Variants in SIPA1L2 observed in about 807,000 individuals in gnomAD.
SIPA1L2 encodes the protein signal induced proliferation associated 1 like 2.
In SIPA1L2, 56 loss-of-function variants were observed where a neutral mutation model predicts 163.9. The ratio of observed to expected loss-of-function variants is 0.34; its 90% CI spans 0.28 to 0.43. SIPA1L2 has a LOEUF of 0.43. Ranked by LOEUF, SIPA1L2 falls within the 20% of genes least tolerant of loss-of-function variation. The probability of loss-of-function intolerance (pLI) is 1.00; values close to 1 mark genes in which losing one functional copy is unlikely to be tolerated. For synonymous variants in SIPA1L2, 877 were observed against 865.7 expected, an observed-to-expected ratio of 1.01 and a Z score of -0.23; for missense variants, 1,974 against 2,193.5, an observed-to-expected ratio of 0.90 and a Z score of 2.00.
intron 2 of SIPA1L2, among the ~76,000 whole-genome samples, chr1:232,568,606 G>A (rs1659536965): frequency 6.6e-6 from 1 of 152,186 alleles, no homozygotes; most frequent in South Asian, 2.1e-4. Context: ...GGGCTATCCT[G>A]GGTACAAGAG....
At chr1:232,482,495 A>G (rs1476050429) in intron 6 of SIPA1L2, among the ~76,000 whole-genome samples, 1 of 152,136 alleles carries the variant, frequency 6.6e-6, no homozygotes, top group Non-Finnish European at 1.5e-5. Flanking sequence ...CTTAAAATAT[A>G]TAGATATTCA....
Position 232,441,057 on chromosome 1 carries a change from T to C in SIPA1L2, c.3642+234A>G, listed in dbSNP as rs542176608. ...GATTTAGTAACTACTGCACTGGATATTGAGGATCAAAAGGCTGAGGATATA... is the reference window on the plus strand; with the variant it reads ...GATTTAGTAACTACTGCACTGGATACTGAGGATCAAAAGGCTGAGGATATA... On this transcript the variant is annotated intron_variant, in intron 14 of 22. Coordinates refer to ENST00000674635, the MANE Select transcript of SIPA1L2 (RefSeq NM_020808.5). 2.6e-5 allele frequency among the ~76,000 whole-genome samples: 4 copies of C among 152,372 alleles called. No homozygotes were observed. The South Asian group carries it at 6.2e-4, about 24-fold the overall frequency.
At chr1:232,549,745 C>T (rs1658266565) in intron 2 of SIPA1L2, among the ~76,000 whole-genome samples, 1 of 152,194 alleles carries the variant, frequency 6.6e-6, no homozygotes, top group Admixed American at 6.5e-5. Flanking sequence ...GAAAAATCTG[C>T]TGATCCAACT....
At chr1:232,537,817 A>C (rs1477172683) in intron 2 of SIPA1L2, among the ~76,000 whole-genome samples, 1 of 152,244 alleles carries the variant, frequency 6.6e-6, no homozygotes, top group African/African-American at 2.4e-5. Context: ...AAGGCTTAGA[A>C]TAGTGCCTCC....
At chr1:232,550,397 C>T (rs1658306419) in intron 2 of SIPA1L2, among the ~76,000 whole-genome samples, 1 of 152,168 alleles carries the variant, frequency 6.6e-6, no homozygotes, top group Non-Finnish European at 1.5e-5. Flanking sequence ...AATTTCAATA[C>T]AAGGATAGCT....
chr1:232,545,381 A>G (rs535814350), intron 2 of SIPA1L2, among the ~76,000 whole-genome samples: 12 of 152,340 alleles, frequency 7.9e-5, no homozygotes, highest in East Asian at 1.9e-4. Context: ...TCATGTATCT[A>G]TGAGGCTCCG....
rs1261680074 is a variant in SIPA1L2, at chr1:232,586,983, G to A, written c.-318-12761C>T. ...TGGGCCTTGATGGTAATAGGAAACAGACATACAAGGGTAGGGAGACTGAGG... is the reference window on the plus strand; with the variant it reads ...TGGGCCTTGATGGTAATAGGAAACAAACATACAAGGGTAGGGAGACTGAGG... On this transcript the variant is annotated intron_variant, in intron 1 of 22. Coordinates refer to ENST00000674635, the MANE Select transcript of SIPA1L2 (RefSeq NM_020808.5). 2.6e-5 allele frequency among the ~76,000 whole-genome samples: 4 copies of A among 152,318 alleles called. No homozygotes were observed. The East Asian group carries it at 7.7e-4, about 29-fold the overall frequency.
Position 232,603,482 on chromosome 1 carries a change from AC to A in SIPA1L2, c.-319+26386del, listed in dbSNP as rs1375621800. ...GGAGGAGAACGAGGCGCAGAGGTAAACGTTTGAACAGCAGGGTGTCACTCAG... is the reference window on the plus strand; with the variant it reads ...GGAGGAGAACGAGGCGCAGAGGTAAAGTTTGAACAGCAGGGTGTCACTCAG... On this transcript the variant is annotated intron_variant, in intron 1 of 22. Transcript: ENST00000674635. 7.9e-5 allele frequency among the ~76,000 whole-genome samples: 12 copies of A among 152,248 alleles called. No homozygotes were observed. In the South Asian group the frequency reaches 2.3e-3, roughly 29 times the overall value.
In SIPA1L2 at chr1:232,584,267, C is replaced by T. The variant is rs140314995; in HGVS notation, c.-318-10045G>A. On this transcript the variant is annotated intron_variant, in intron 1 of 22. Transcript: ENST00000674635. ...TTTAGACGGAGTCTCACTCTATCAGCAGGCTGGAGTATAGTGGTGCGATCT... is the reference window on the plus strand; with the variant it reads ...TTTAGACGGAGTCTCACTCTATCAGTAGGCTGGAGTATAGTGGTGCGATCT... Among the ~76,000 whole-genome samples the T allele has an allele frequency of 4.3e-4, 66 of 152,240 alleles. 1 individual carries two copies. Among genetic ancestry groups the T allele is most frequent in the African/African-American group, 1.5e-3 (63 of 41,540 alleles).
intron 21 of SIPA1L2, 64 bp downstream of exon 21, chr1:232,403,384 A>T: frequency 6.3e-7 from 1 of 1,576,038 alleles, no homozygotes; most frequent in Middle Eastern, 1.7e-4. Context: ...TTAGTCGGTT[A>T]GCCGAATCTT....
chr1:232,597,010 A>G (rs1309029064), intron 1 of SIPA1L2, among the ~76,000 whole-genome samples: 1 of 152,146 alleles, frequency 6.6e-6, no homozygotes, highest in East Asian at 1.9e-4. Context: ...GTGGCCTCCA[A>G]CCTTGCCTCT....
intron 1 of SIPA1L2, among the ~76,000 whole-genome samples, chr1:232,606,816 G>T (rs1661947443): frequency 6.6e-6 from 1 of 151,784 alleles, no homozygotes; most frequent in African/African-American, 2.4e-5. Flanking sequence ...AATTTTCAAA[G>T]CATACGTGAA....
In SIPA1L2 at chr1:232,573,083, C is replaced by T. The variant is rs1359671890; in HGVS notation, c.-270+1091G>A. 2.6e-5 allele frequency among the ~76,000 whole-genome samples: 4 copies of T among 152,014 alleles called. No homozygotes were observed. The East Asian group carries it at 7.8e-4, about 30-fold the overall frequency. ...GGTTTGAGTCACTGTGCCCGGCCCCCCAAATCATTTTTAAAGGCAAGCTCC... is the reference window on the plus strand; with the variant it reads ...GGTTTGAGTCACTGTGCCCGGCCCCTCAAATCATTTTTAAAGGCAAGCTCC... On this transcript the variant is annotated intron_variant, in intron 2 of 22. Transcript: ENST00000674635.
intron 2 of SIPA1L2, among the ~76,000 whole-genome samples, chr1:232,571,802 G>A (rs1441910277): frequency 1.3e-5 from 2 of 152,198 alleles, no homozygotes; most frequent in Non-Finnish European, 2.9e-5. Flanking sequence ...CACGTGACAT[G>A]CTGGCTTCCG....
intron 3 of SIPA1L2, among the ~76,000 whole-genome samples, chr1:232,511,472 A>G (rs1666977651): frequency 6.6e-6 from 1 of 152,242 alleles, no homozygotes; most frequent in Non-Finnish European, 1.5e-5. Flanking sequence ...TCATAATGTG[A>G]TTACAAAAGA....
chr1:232,512,297 T>C (rs757417544), intron 3 of SIPA1L2, among the ~76,000 whole-genome samples: 1 of 152,234 alleles, frequency 6.6e-6, no homozygotes, highest in African/African-American at 2.4e-5. Context: ...TCAGCTATTG[T>C]GGAAGACAGT....
chr1:232,623,919 G>T (rs1056524052), intron 1 of SIPA1L2, among the ~76,000 whole-genome samples: 1 of 151,902 alleles, frequency 6.6e-6, no homozygotes, highest in African/African-American at 2.4e-5. Context: ...TACAACAGTG[G>T]TCTCTACACA....
At chr1:232,468,622 AGTT>A (rs1162540872) in intron 8 of SIPA1L2, among the ~76,000 whole-genome samples, 7 of 152,246 alleles carry the variant, frequency 4.6e-5, no homozygotes, top group African/African-American at 9.6e-5. Flanking sequence ...TTACTATCAT[AGTT>A]GTTGTGTTAA....
intron 8 of SIPA1L2, among the ~76,000 whole-genome samples, chr1:232,468,984 G>A (rs1174399392): frequency 6.6e-6 from 1 of 152,206 alleles, no homozygotes; most frequent in Non-Finnish European, 1.5e-5. Flanking sequence ...AGTGGACCCA[G>A]CATAACTGCT....
Sources: gnomAD v4.1 joint callset for allele counts (sites outside exome capture counted in the v4.1 genomes callset) on GRCh38, gnomAD v4.1.1 for gene constraint, MANE v1.5 for transcripts, NCBI Gene and HGNC (gene_info 2026-07-23, HGNC 2026-07-21) for gene names.